The following TRPC3 variants were observed in gnomAD, a reference collection of about 807,000 sequenced individuals.
TRPC3 encodes the protein transient receptor potential cation channel subfamily C member 3.
Under a neutral mutation model 90.9 loss-of-function variants are expected in TRPC3, and 54 were observed. The observed-to-expected ratio is 0.59, with a 90% CI of 0.48 to 0.75. The LOEUF (loss-of-function observed/expected upper bound fraction) is 0.75. TRPC3 is among the 30% of genes least tolerant of loss of function. TRPC3 has a pLI of 0.00. For synonymous variants in TRPC3, 424 were observed against 450.9 expected (o/e 0.94, Z 0.75); for missense variants, 918 against 1,194.5 (o/e 0.77, Z 3.41).
chr4:121,921,034 C>G (rs1729482870), intron 3 of TRPC3, among the ~76,000 whole-genome samples: 2 of 152,254 alleles, frequency 1.3e-5, no homozygotes, highest in South Asian at 4.1e-4. Context: ...ACATTAAATT[C>G]ACGGTCATGT....
intron 2 of TRPC3, among the ~76,000 whole-genome samples, chr4:121,930,570 C>T (rs887976704): frequency 1.3e-5 from 2 of 152,084 alleles, no homozygotes; most frequent in African/African-American, 4.8e-5. Context: ...GCAAACATCA[C>T]CATCTTTAGT....
chr4:121,935,110 C>T (rs960211108), intron 1 of TRPC3, among the ~76,000 whole-genome samples: 16 of 152,290 alleles, frequency 1.1e-4, no homozygotes, highest in African/African-American at 3.4e-4. Flanking sequence ...TTTTACTTTT[C>T]ACTTATACCC....
At chr4:121,881,321 A>G (rs1360260914) in intron 11 of TRPC3, among the ~76,000 whole-genome samples, 1 of 152,134 alleles carries the variant, frequency 6.6e-6, no homozygotes, top group Admixed American at 6.6e-5. Flanking sequence ...CCTTTTGTGC[A>G]AGGGCTTGGG....
rs946608883 is a variant in TRPC3, at chr4:121,878,844, T to C, written c.*892A>G. Among the ~76,000 whole-genome samples, 2 of 152,054 alleles carry C rather than the reference T, an allele frequency of 1.3e-5. No individual in the cohort carries two copies. Among genetic ancestry groups the C allele is most frequent in the Non-Finnish European group, 2.9e-5 (2 of 68,004 alleles). ...TTCCCATGAGCAGACCCTCCAAAACTCAGCAGGGAGCTCACAGGTGAGATA... is the reference window on the plus strand; with the variant it reads ...TTCCCATGAGCAGACCCTCCAAAACCCAGCAGGGAGCTCACAGGTGAGATA... On this transcript the variant is annotated 3_prime_UTR_variant, in exon 12 of 12. Coordinates refer to ENST00000379645, the MANE Select transcript of TRPC3 (RefSeq NM_001130698.2).
chr4:121,898,431 T>C (rs1054710365), intron 10 of TRPC3, among the ~76,000 whole-genome samples: 1 of 152,140 alleles, frequency 6.6e-6, no homozygotes, highest in Non-Finnish European at 1.5e-5. Context: ...ACTGCACATG[T>C]GACAGATCTA....
chr4:121,932,272 T>A lies in TRPC3; in HGVS notation c.986A>T (p.Lys329Met). Residue 329 changes from lysine to methionine, a missense_variant and splice_region_variant, in exon 2 of 12, where the codon AAG (lysine) becomes ATG (methionine). Transcript: ENST00000379645. This position sits in a 1 kb window ranked among gnomAD's most constrained non-coding sequence, Gnocchi z 7.7. Reference sequence around the variant, plus strand: ...GCCGGGGTAGAGCGCAAAGCTTACCTTGAACTCCTTCTCTATGTTGGCCAG... The same window carrying A: ...GCCGGGGTAGAGCGCAAAGCTTACCATGAACTCCTTCTCTATGTTGGCCAG... ...AKLANIEKEF[K>M]NDYRKLSMQC... is the part of the protein sequence containing the mutation. 6.2e-7 allele frequency: 1 copy of A among 1,613,364 alleles called. No homozygotes were observed. Among genetic ancestry groups the A allele is most frequent in the Non-Finnish European group, 8.5e-7 (1 of 1,179,460 alleles).
chr4:121,915,436 T>A (rs1729275450), intron 3 of TRPC3, among the ~76,000 whole-genome samples: 2 of 152,254 alleles, frequency 1.3e-5, no homozygotes, highest in South Asian at 4.1e-4. Flanking sequence ...GCACCCTTTG[T>A]GTAATTATGT....
chr4:121,912,242 T>A (rs1729135750), intron 4 of TRPC3, 149 bp from the exon 5 acceptor site: 1 of 649,062 alleles, frequency 1.5e-6, no homozygotes, highest in Middle Eastern at 3.6e-4. Context: ...TGAAAAATAT[T>A]CTTTTTTAGG....
chr4:121,907,397 C>T lies in TRPC3; in HGVS notation c.1963G>A (p.Val655Ile). The T allele has an allele frequency of 1.2e-6, 2 of 1,613,358 alleles. No homozygotes were observed. Among genetic ancestry groups the T allele is most frequent in the Non-Finnish European group, 1.7e-6 (2 of 1,179,532 alleles). ...GCAAAAAACACCATAATAAAGAGGA[C>T]CATGAACTTGAATATGTCCTTTACA... ...RTVKDIFKFM[V>I]LFIMVFFAFM... The change falls in exon 7 of 12, where the codon GTC becomes ATC. Residue 655 changes from valine (V) to isoleucine (I), a missense_variant. This residue lies in a region of TRPC3 where 147 missense variants were observed against 263.5 expected (regional missense o/e 0.56). Coordinates refer to ENST00000379645, the MANE Select transcript of TRPC3 (RefSeq NM_001130698.2).
At chr4:121,943,200 AC>A (rs1314430463) in intron 1 of TRPC3, among the ~76,000 whole-genome samples, 1 of 152,026 alleles carries the variant, frequency 6.6e-6, no homozygotes, top group Non-Finnish European at 1.5e-5. Flanking sequence ...CCCCTAGATT[AC>A]AGAATACCCC....
intron 11 of TRPC3, among the ~76,000 whole-genome samples, chr4:121,881,397 AC>A (rs772531753): frequency 6.6e-6 from 1 of 150,710 alleles, no homozygotes; most frequent in African/African-American, 2.4e-5. Context: ...CTCCCTCTCC[AC>A]CCCCCATGGA....
At chr4:121,917,102 G>A (rs978207089) in intron 3 of TRPC3, among the ~76,000 whole-genome samples, 5 of 152,120 alleles carry the variant, frequency 3.3e-5, no homozygotes, top group Admixed American at 2.0e-4. Flanking sequence ...TTTATCATGC[G>A]AGTTCCTTTC....
chr4:121,892,811 A>G (rs1365102490), intron 10 of TRPC3, among the ~76,000 whole-genome samples: 2 of 152,188 alleles, frequency 1.3e-5, no homozygotes, highest in East Asian at 3.9e-4. Context: ...AGCCCACCTT[A>G]AAATTCAAAT....
At chr4:121,900,446 T>C (rs907823129) in intron 9 of TRPC3, among the ~76,000 whole-genome samples, 1 of 152,188 alleles carries the variant, frequency 6.6e-6, no homozygotes, top group East Asian at 1.9e-4. Flanking sequence ...CCCACCATTA[T>C]AACTCAGGAA....
chr4:121,907,169 C>A, intron 7 of TRPC3, 134 bp downstream of exon 7: 1 of 838,418 alleles, frequency 1.2e-6, no homozygotes, highest in East Asian at 2.5e-5. Flanking sequence ...AACACAAGCA[C>A]TAACTGTTTT....
intron 1 of TRPC3, among the ~76,000 whole-genome samples, chr4:121,946,668 T>G (rs1480006518): frequency 6.6e-6 from 1 of 152,088 alleles, no homozygotes; most frequent in Non-Finnish European, 1.5e-5. Flanking sequence ...AAGATAGCAG[T>G]ATATGAAAGA....
At chr4:121,950,084 G>T (rs1730632664) in intron 1 of TRPC3, among the ~76,000 whole-genome samples, 1 of 152,320 alleles carries the variant, frequency 6.6e-6, no homozygotes, top group South Asian at 2.1e-4. Flanking sequence ...TCATCCCAAA[G>T]GATATACCTT....
intron 1 of TRPC3, among the ~76,000 whole-genome samples, chr4:121,942,144 A>G (rs188587826): frequency 6.6e-6 from 1 of 152,236 alleles, no homozygotes; most frequent in Non-Finnish European, 1.5e-5. Flanking sequence ...CACACACATA[A>G]AAATTTAAAA....
intron 10 of TRPC3, among the ~76,000 whole-genome samples, chr4:121,895,126 A>G (rs1236432490): frequency 6.6e-6 from 1 of 152,146 alleles, no homozygotes; most frequent in Non-Finnish European, 1.5e-5. Flanking sequence ...GTGAAAATAG[A>G]AATACAACAT....
Sources: allele counts gnomAD v4.1 joint callset (sites outside exome capture counted in the v4.1 genomes callset), GRCh38; gene constraint gnomAD v4.1.1; regional missense constraint gnomAD v4.1.1; non-coding constraint Gnocchi (gnomAD v3.1); transcripts MANE v1.5; gene names NCBI Gene and HGNC (gene_info 2026-07-23, HGNC 2026-07-21).